RORA: variants seen among roughly 807,000 people sequenced by gnomAD.
RORA encodes nuclear receptor ROR-alpha.
Under a neutral mutation model 69.5 loss-of-function variants are expected in RORA, and 7 were observed. The observed-to-expected ratio is 0.10, with a 90% CI of 0.06 to 0.19. RORA has a LOEUF of 0.19. RORA is among the 10% of genes least tolerant of loss of function. The pLI is 1.00. For missense variants in RORA, 457 were observed against 663.0 expected (o/e 0.69, Z 3.41); for synonymous variants, 261 against 240.8 (o/e 1.08, Z -0.78).
At chr15:60,945,548 G>C (rs541649268) in intron 1 of RORA, among the ~76,000 whole-genome samples, 3 of 152,210 alleles carry the variant, frequency 2.0e-5, no homozygotes, top group African/African-American at 7.2e-5. Flanking sequence ...TTCACCATTA[G>C]GGGAGGAAAA....
chr15:60,563,979 A>G (rs1193726125), intron 2 of RORA, among the ~76,000 whole-genome samples: 1 of 152,142 alleles, frequency 6.6e-6, no homozygotes, highest in Non-Finnish European at 1.5e-5. Context: ...TCTATTGTAC[A>G]GCCTTTCATG....
chr15:61,025,911 C>T (rs760519807), intron 1 of RORA, among the ~76,000 whole-genome samples: 4 of 152,150 alleles, frequency 2.6e-5, no homozygotes, highest in Admixed American at 6.5e-5. Context: ...TTTGAATTAA[C>T]CAGGCCCAGA....
At chr15:61,135,146 T>TAAAAA (rs59644906) in intron 1 of RORA, among the ~76,000 whole-genome samples, 1 of 56,578 alleles carries the variant, frequency 1.8e-5, no homozygotes, top group Non-Finnish European at 3.6e-5. Context: ...CATCTCTTAC[T>TAAAAA]AAAAAAAAAA....
intron 1 of RORA, among the ~76,000 whole-genome samples, chr15:61,225,579 C>T (rs981340209): frequency 2.6e-5 from 4 of 152,146 alleles, no homozygotes; most frequent in Non-Finnish European, 5.9e-5. Context: ...CTGTTAATCC[C>T]ATCTTTTGGT....
At chr15:61,154,592 T>C (rs1039090126) in intron 1 of RORA, among the ~76,000 whole-genome samples, 1 of 152,028 alleles carries the variant, frequency 6.6e-6, no homozygotes, top group Non-Finnish European at 1.5e-5. Flanking sequence ...TTGCTAAGAG[T>C]AGTACAAATT....
At chr15:61,075,763 T>G (rs75466290) in intron 1 of RORA, among the ~76,000 whole-genome samples, 52 of 152,304 alleles carry the variant, frequency 3.4e-4, no homozygotes, top group African/African-American at 1.2e-3. Context: ...CCTCGCGTTA[T>G]ACCACAGCTG....
At chr15:60,985,582 C>CTTTTTTTT (rs11451387) in intron 1 of RORA, among the ~76,000 whole-genome samples, 1,135 of 100,728 alleles carry the variant, frequency 0.011, 36 homozygotes, top group African/African-American at 0.012. Context: ...AACTCATCCT[C>CTTTTTTTT]TTTTTTTTTT....
intron 1 of RORA, among the ~76,000 whole-genome samples, chr15:61,145,087 C>T (rs1262118698): frequency 1.3e-5 from 2 of 152,042 alleles, no homozygotes; most frequent in African/African-American, 4.8e-5. Context: ...TCTAAAATAT[C>T]TTCTAGATTA....
chr15:60,684,872 G>A (rs1199756298), intron 1 of RORA, among the ~76,000 whole-genome samples: 1 of 152,054 alleles, frequency 6.6e-6, no homozygotes, highest in African/African-American at 2.4e-5. Context: ...CCTGCAAGAT[G>A]TCTGAGTTAA....
intron 1 of RORA, among the ~76,000 whole-genome samples, chr15:60,903,537 G>A (rs1205774266): frequency 6.6e-6 from 1 of 152,172 alleles, no homozygotes; most frequent in South Asian, 2.1e-4. Context: ...CAAAGCACAC[G>A]ATAGGGTACC....
intron 1 of RORA, among the ~76,000 whole-genome samples, chr15:60,813,135 A>G (rs920550279): frequency 6.6e-6 from 1 of 152,232 alleles, no homozygotes; most frequent in Non-Finnish European, 1.5e-5. Flanking sequence ...AAAGAGAGAC[A>G]GAAGAACTAG....
intron 1 of RORA, among the ~76,000 whole-genome samples, chr15:61,227,678 C>A (rs530661321): frequency 2.6e-5 from 4 of 152,054 alleles, no homozygotes; most frequent in Non-Finnish European, 5.9e-5. Context: ...GGCCCCCATT[C>A]GCCTCTACCC....
intron 1 of RORA, among the ~76,000 whole-genome samples, chr15:60,790,527 G>A (rs1567192238): frequency 6.6e-6 from 1 of 152,190 alleles, no homozygotes; most frequent in East Asian, 1.9e-4. Flanking sequence ...AATGGAAACT[G>A]CAAGTCTAGA....
chr15:61,228,947 G>T, intron 1 of RORA, 106 bp downstream of exon 1: 1 of 335,498 alleles, frequency 3.0e-6, no homozygotes, highest in Non-Finnish European at 4.2e-6. Context: ...CCGCAGGCTC[G>T]CGCGCGGCCG....
chr15:60,994,869 C>T (rs116316715), intron 1 of RORA, among the ~76,000 whole-genome samples: 70 of 152,198 alleles, frequency 4.6e-4, no homozygotes, highest in African/African-American at 1.6e-3. Context: ...TTTTGAAGAC[C>T]CTTCGTTTTA....
chr15:61,054,374 A>G (rs1462238730), intron 1 of RORA, among the ~76,000 whole-genome samples: 3 of 152,170 alleles, frequency 2.0e-5, no homozygotes, highest in Non-Finnish European at 2.9e-5. Flanking sequence ...ATTAGTTAGC[A>G]CAGCTATACT....
At chr15:60,547,549 C>T (rs1479349060) in intron 2 of RORA, among the ~76,000 whole-genome samples, 1 of 151,552 alleles carries the variant, frequency 6.6e-6, no homozygotes, top group African/African-American at 2.4e-5. Context: ...TGGTCTTGAT[C>T]TCCTGACCTC....
intron 5 of RORA, 91 bp from the exon 6 acceptor site, chr15:60,505,720 A>G (rs2065478527): frequency 1.4e-6 from 2 of 1,439,488 alleles, no homozygotes; most frequent in Non-Finnish European, 1.9e-6. Flanking sequence ...TAACAAGTAG[A>G]AAACAATGTG....
intron 10 of RORA, among the ~76,000 whole-genome samples, chr15:60,499,380 TAATA>T (rs2065261934): frequency 6.6e-6 from 1 of 151,976 alleles, no homozygotes; most frequent in Admixed American, 6.6e-5. Context: ...AAAAAATAAT[TAATA>T]AATTAGCCAA....
Sources: gnomAD v4.1 joint callset for allele counts (sites outside exome capture counted in the v4.1 genomes callset) on GRCh38, gnomAD v4.1.1 for gene constraint, MANE v1.5 for transcripts, NCBI Gene and HGNC (gene_info 2026-07-23, HGNC 2026-07-21) for gene names.